Variants in CADM2 observed in about 807,000 individuals in gnomAD.
CADM2 encodes the protein cell adhesion molecule 2.
Under a neutral mutation model 49.8 loss-of-function variants are expected in CADM2, and 12 were observed. The ratio of observed to expected loss-of-function variants is 0.24; its 90% CI spans 0.15 to 0.39. The LOEUF (loss-of-function observed/expected upper bound fraction) is 0.39. CADM2 is among the 10% of genes least tolerant of loss of function. The pLI is 1.00. For synonymous variants in CADM2, 214 were observed against 175.4 expected, an observed-to-expected ratio of 1.22 and a Z score of -1.74; for missense variants, 378 against 492.3, an observed-to-expected ratio of 0.77 and a Z score of 2.20.
intron 7 of CADM2, among the ~76,000 whole-genome samples, chr3:85,937,948 C>G (rs1301512191): frequency 6.6e-6 from 1 of 151,978 alleles, no homozygotes; most frequent in African/African-American, 2.4e-5. Context: ...CTATGGTCCA[C>G]AAGTAAATAT....
chr3:85,677,051 A>G (rs904439170), intron 1 of CADM2, among the ~76,000 whole-genome samples: 1 of 152,168 alleles, frequency 6.6e-6, no homozygotes, highest in African/African-American at 2.4e-5. Context: ...CACATAGGAC[A>G]CTTCTGCTAA....
chr3:85,871,099 G>A (rs2075910125), intron 3 of CADM2, among the ~76,000 whole-genome samples: 1 of 152,140 alleles, frequency 6.6e-6, no homozygotes, highest in Non-Finnish European at 1.5e-5. Context: ...AGAGTGAACA[G>A]ACAACCTACA....
intron 1 of CADM2, among the ~76,000 whole-genome samples, chr3:85,598,985 T>C (rs1187134245): frequency 2.0e-5 from 3 of 151,942 alleles, no homozygotes; most frequent in Non-Finnish European, 4.4e-5. Context: ...TGTTACCTTT[T>C]ACTAATCAAA....
rs139323571 is a variant in CADM2 at position 85,497,261 on chromosome 3, G to A, written c.62-229261G>A. 4.6e-3 allele frequency among the ~76,000 whole-genome samples: 695 copies of A among 152,128 alleles called. 7 individuals are homozygous for A. Among genetic ancestry groups the A allele is most frequent in the African/African-American group, 0.016 (664 of 41,518 alleles). ...TTAGTCCCTTCTCAGGTACATATAT[G>A]TGTGTATTTTCTCCCATTCTTTTAT... On this transcript the variant is annotated intron_variant, in intron 1 of 9. Transcript: ENST00000383699.
intron 1 of CADM2, among the ~76,000 whole-genome samples, chr3:85,409,201 T>C (rs777260264): frequency 1.3e-5 from 2 of 152,170 alleles, no homozygotes; most frequent in African/African-American, 4.8e-5. Flanking sequence ...CTTTCCTTTT[T>C]TGTGTATTAT....
At chr3:85,003,131 G>A (rs914174423) in intron 1 of CADM2, among the ~76,000 whole-genome samples, 3 of 152,052 alleles carry the variant, frequency 2.0e-5, no homozygotes, top group Non-Finnish European at 1.5e-5. Flanking sequence ...ACAAGGATGC[G>A]CTTGTTATCC....
intron 1 of CADM2, among the ~76,000 whole-genome samples, chr3:85,515,833 A>G (rs2060890809): frequency 6.6e-6 from 1 of 151,770 alleles, no homozygotes; most frequent in African/African-American, 2.4e-5. Context: ...AGTTAAATGT[A>G]TTTAAATATG....
chr3:85,806,907 C>T (rs143857212), intron 3 of CADM2, among the ~76,000 whole-genome samples: 57 of 152,230 alleles, frequency 3.7e-4, no homozygotes, highest in African/African-American at 1.3e-3. Context: ...CAAGCTTTTA[C>T]AACTTTTTTG....
intron 1 of CADM2, among the ~76,000 whole-genome samples, chr3:85,291,936 C>A (rs977552436): frequency 1.3e-5 from 2 of 151,724 alleles, no homozygotes; most frequent in Admixed American, 6.6e-5. Flanking sequence ...TCACACATAA[C>A]AATATTACCT....
chr3:85,368,611 A>G (rs930129957), intron 1 of CADM2, among the ~76,000 whole-genome samples: 5 of 151,628 alleles, frequency 3.3e-5, no homozygotes, highest in Non-Finnish European at 7.4e-5. Flanking sequence ...TAAAACCTAG[A>G]TTTATTTACC....
At chr3:86,044,120 C>A (rs1051806684) in intron 8 of CADM2, among the ~76,000 whole-genome samples, 3 of 152,120 alleles carry the variant, frequency 2.0e-5, no homozygotes, top group Admixed American at 6.6e-5. Flanking sequence ...AGAAGAAAAC[C>A]TAAGCAATAC....
At chr3:85,859,299 T>C (rs2075435869) in intron 3 of CADM2, among the ~76,000 whole-genome samples, 1 of 146,764 alleles carries the variant, frequency 6.8e-6, no homozygotes, top group Non-Finnish European at 1.5e-5. Context: ...GGTGCGATCT[T>C]GGCTCACTGC....
At chr3:85,137,945 A>G (rs1453842842) in intron 1 of CADM2, among the ~76,000 whole-genome samples, 2 of 152,168 alleles carry the variant, frequency 1.3e-5, no homozygotes, top group African/African-American at 4.8e-5. Context: ...CTCAATAGAT[A>G]TATCTGAGAG....
intron 1 of CADM2, among the ~76,000 whole-genome samples, chr3:85,694,731 C>T (rs1053143288): frequency 2.6e-5 from 4 of 152,036 alleles, no homozygotes; most frequent in South Asian, 4.1e-4. Context: ...AGATTAGGGG[C>T]GTGGATTGTG....
intron 2 of CADM2, among the ~76,000 whole-genome samples, chr3:85,769,965 A>G (rs1271035427): frequency 6.6e-6 from 1 of 151,616 alleles, no homozygotes; most frequent in African/African-American, 2.4e-5. Context: ...ATGTACTTGC[A>G]TGTTGCAAAT....
chr3:85,745,203 A>C (rs973387923), intron 2 of CADM2, among the ~76,000 whole-genome samples: 1 of 152,176 alleles, frequency 6.6e-6, no homozygotes. Context: ...GATTGCCATA[A>C]AATAATTGTT....
intron 1 of CADM2, among the ~76,000 whole-genome samples, chr3:84,965,413 G>A (rs2107059838): frequency 6.6e-6 from 1 of 152,292 alleles, no homozygotes; most frequent in African/African-American, 2.4e-5. Context: ...ATAGCTTGTA[G>A]TGGACATAAA....
chr3:85,781,494 A>G (rs2070650124), intron 2 of CADM2, among the ~76,000 whole-genome samples: 1 of 152,110 alleles, frequency 6.6e-6, no homozygotes. Context: ...ACTTTATTTT[A>G]TTTGTTACCT....
intron 7 of CADM2, among the ~76,000 whole-genome samples, chr3:85,957,946 T>C (rs1289755622): frequency 1.3e-5 from 2 of 151,860 alleles, no homozygotes; most frequent in Non-Finnish European, 2.9e-5. Flanking sequence ...ACAAATGGGA[T>C]CTAATTAAAG....
Sources: gnomAD v4.1 joint callset for allele counts (sites outside exome capture counted in the v4.1 genomes callset) on GRCh38, gnomAD v4.1.1 for gene constraint, MANE v1.5 for transcripts, NCBI Gene and HGNC (gene_info 2026-07-23, HGNC 2026-07-21) for gene names.